EFNB2: variants seen among roughly 807,000 people sequenced by gnomAD.
EFNB2 encodes the protein ephrin B2.
A neutral mutation model predicts 32.1 loss-of-function variants in EFNB2; 5 were observed. The ratio of observed to expected loss-of-function variants is 0.16; its 90% CI spans 0.08 to 0.33. EFNB2 has a LOEUF of 0.33. EFNB2 is among the 10% of genes least tolerant of loss of function. EFNB2 has a pLI of 1.00. For missense variants in EFNB2, 263 were observed against 422.6 expected (o/e 0.62, Z 3.31); for synonymous variants, 168 against 166.5 (o/e 1.01, Z -0.07).
intron 1 of EFNB2, chr13:106,516,870 A>G (rs1003685272): frequency 6.6e-6 from 1 of 152,226 alleles, no homozygotes; most frequent in Non-Finnish European, 1.5e-5. Context: ...ATTTAATATT[A>G]CATATGGACT....
At chr13:106,496,083 C>G (rs533988834) in intron 2 of EFNB2, among the ~76,000 whole-genome samples, 1 of 152,250 alleles carries the variant, frequency 6.6e-6, no homozygotes, top group South Asian at 2.1e-4. Flanking sequence ...TTTATTTAGG[C>G]ACTTTCTCCT....
chr13:106,535,052 T>G lies in EFNB2; in HGVS notation c.-88A>C. ...GGACCCCCAATCCTCCGGGGCAGAC[T>G]GGCGGGGAAGACGGCGTGCGCCCGC... On this transcript the variant is annotated 5_prime_UTR_variant, in exon 1 of 5. Transcript: ENST00000646441. 6.5e-7 allele frequency: 1 copy of G among 1,537,848 alleles called. No homozygotes were observed. Among genetic ancestry groups the G allele is most frequent in the Non-Finnish European group, 8.7e-7 (1 of 1,144,196 alleles).
Position 106,490,927 on chromosome 13 carries a change from A to G in EFNB2, c.*2113T>C, listed in dbSNP as rs1030301814. Reference sequence around the variant, plus strand: ...TACTCACTGGAGGTCTGAGAACCTTAAAATGCTGTCGCTACATTTTTTTTC... The same window carrying G: ...TACTCACTGGAGGTCTGAGAACCTTGAAATGCTGTCGCTACATTTTTTTTC... On this transcript the variant is annotated 3_prime_UTR_variant, in exon 5 of 5. Transcript: ENST00000646441. 1 of 114,552 alleles carries G rather than the reference A, an allele frequency of 8.7e-6. No individual in the cohort carries two copies. Among genetic ancestry groups the G allele is most frequent in the African/African-American group, 3.2e-5 (1 of 31,086 alleles). 7.1% of individuals were successfully genotyped at this position (114,552 alleles called of 1,614,324 possible). A position where few individuals can be genotyped will look rare whatever the true frequency, so the allele number is the denominator to read the frequency against.
chr13:106,504,080 G>A (rs1486509283), intron 2 of EFNB2, among the ~76,000 whole-genome samples: 1 of 152,176 alleles, frequency 6.6e-6, no homozygotes, highest in Non-Finnish European at 1.5e-5. Flanking sequence ...ATAATCCAGT[G>A]CCTGCTCTGA....
intron 1 of EFNB2, chr13:106,517,125 C>T (rs569869068): frequency 6.6e-6 from 1 of 152,322 alleles, no homozygotes; most frequent in African/African-American, 2.4e-5. Flanking sequence ...TAATATTCAA[C>T]AATACACTTC....
intron 2 of EFNB2, among the ~76,000 whole-genome samples, chr13:106,510,528 C>T (rs1248504640): frequency 1.3e-5 from 2 of 152,328 alleles, no homozygotes; most frequent in Middle Eastern, 3.4e-3. Flanking sequence ...GCTGCATCCA[C>T]GCATTAGGGA....
intron 1 of EFNB2, among the ~76,000 whole-genome samples, chr13:106,532,202 A>G (rs75062591): frequency 1.3e-3 from 203 of 152,296 alleles, no homozygotes; most frequent in Non-Finnish European, 2.1e-3. Flanking sequence ...CCATTATTAC[A>G]TACAGTCAGG....
chr13:106,533,212 A>AGT (rs1879940674), intron 1 of EFNB2, among the ~76,000 whole-genome samples: 1 of 150,678 alleles, frequency 6.6e-6, no homozygotes, highest in South Asian at 2.1e-4. Context: ...CGCATGGAAG[A>AGT]GTGACCTCTG....
At chr13:106,532,172 T>C (rs2138948742) in intron 1 of EFNB2, among the ~76,000 whole-genome samples, 1 of 152,246 alleles carries the variant, frequency 6.6e-6, no homozygotes, top group East Asian at 1.9e-4. Flanking sequence ...AGCTACTGTT[T>C]CAGCACGCAG....
In EFNB2 at chr13:106,528,069, T is replaced by C. The variant is rs145389863; in HGVS notation, c.122+6774A>G. 2.7e-3 allele frequency among the ~76,000 whole-genome samples: 405 copies of C among 152,278 alleles called. 1 individual carries two copies. Among genetic ancestry groups the C allele is most frequent in the African/African-American group, 9.4e-3 (389 of 41,542 alleles). ...GGCCATTAGCAATCACTGTCAAGTG[T>C]AGAATGCAAGGTGCTTGGATGTGAG... On this transcript the variant is annotated intron_variant, in intron 1 of 4. Transcript: ENST00000646441.
At chr13:106,507,785 G>A (rs1473637468) in intron 2 of EFNB2, among the ~76,000 whole-genome samples, 2 of 152,162 alleles carry the variant, frequency 1.3e-5, no homozygotes, top group East Asian at 3.9e-4. Context: ...AACACAGGGT[G>A]GATCTCACAG....
At chr13:106,534,304 G>A (rs905909115) in intron 1 of EFNB2, among the ~76,000 whole-genome samples, 3 of 152,156 alleles carry the variant, frequency 2.0e-5, no homozygotes, top group African/African-American at 7.2e-5. Flanking sequence ...GCGGCGCGGT[G>A]CCAAGGCGCC....
chr13:106,531,148 C>G (rs930651905), intron 1 of EFNB2, among the ~76,000 whole-genome samples: 7 of 152,224 alleles, frequency 4.6e-5, no homozygotes, highest in Non-Finnish European at 7.3e-5. Flanking sequence ...AGGTGCTTAG[C>G]AAATCATCTT....
rs1320049265 is a variant in EFNB2 at position 106,494,914 on chromosome 13, A to C, written c.580T>G (p.Ser194Ala). 3 of 1,614,076 alleles carry C rather than the reference A, an allele frequency of 1.9e-6. No homozygotes were observed. The Admixed American group carries it at 5.0e-5, about 27-fold the overall frequency. The change falls in exon 4 of 5, where the codon TCG becomes GCG. Residue 194 changes from serine to alanine, a missense_variant. Transcript: ENST00000646441. ...ELEAGTNGRS[S>A]TTSPFVKPNP... ...GGTTTTACAAAGGGACTTGTTGTCGAACTTCTTCCATTTGTACCAGCTTCT... is the reference window on the plus strand; with the variant it reads ...GGTTTTACAAAGGGACTTGTTGTCGCACTTCTTCCATTTGTACCAGCTTCT...
intron 2 of EFNB2, among the ~76,000 whole-genome samples, chr13:106,496,924 G>C (rs1032726835): frequency 6.6e-6 from 1 of 152,174 alleles, no homozygotes; most frequent in Non-Finnish European, 1.5e-5. Flanking sequence ...AGGAACAAAA[G>C]TGTTTCATAT....
At chr13:106,506,790 C>G (rs557775752) in intron 2 of EFNB2, 1 of 152,308 alleles carries the variant, frequency 6.6e-6, no homozygotes, top group Admixed American at 6.5e-5. Context: ...TTCTATATCC[C>G]ACCACATCTG....
intron 1 of EFNB2, among the ~76,000 whole-genome samples, chr13:106,528,812 G>C (rs937266869): frequency 5.3e-5 from 8 of 152,208 alleles, no homozygotes; most frequent in Non-Finnish European, 1.0e-4. Context: ...TCAGGAGAGA[G>C]GGCGGGAAGA....
intron 1 of EFNB2, among the ~76,000 whole-genome samples, chr13:106,524,565 T>C (rs1879637769): frequency 6.6e-6 from 1 of 152,234 alleles, no homozygotes; most frequent in Admixed American, 6.5e-5. Flanking sequence ...GTGAGTGCTA[T>C]ACACAAAATG....
chr13:106,523,660 C>T (rs1298485078), intron 1 of EFNB2, among the ~76,000 whole-genome samples: 1 of 152,168 alleles, frequency 6.6e-6, no homozygotes, highest in Admixed American at 6.5e-5. Flanking sequence ...ATATTCACCG[C>T]CTGGCTTCCT....
Sources: allele counts gnomAD v4.1 joint callset (sites outside exome capture counted in the v4.1 genomes callset), GRCh38; gene constraint gnomAD v4.1.1; transcripts MANE v1.5; gene names NCBI Gene and HGNC (gene_info 2026-07-23, HGNC 2026-07-21).